The following STIM1 variants were observed in gnomAD, a reference collection of about 807,000 sequenced individuals.
The protein encoded by STIM1 is stromal interaction molecule 1.
STIM1 carries 25 observed loss-of-function variants against 74.7 expected under a neutral mutation model. That is an observed-to-expected ratio of 0.33 (90% CI 0.24 to 0.47). The LOEUF (loss-of-function observed/expected upper bound fraction) is 0.47. STIM1 is among the 20% of genes least tolerant of loss of function. The probability of loss-of-function intolerance (pLI) is 1.00; values close to 1 mark genes in which losing one functional copy is unlikely to be tolerated. For missense variants in STIM1, 728 were observed against 920.8 expected (o/e 0.79, Z 2.71); for synonymous variants, 328 against 348.8 (o/e 0.94, Z 0.66).
At chr11:3,864,604 T>C (rs1438921342) in intron 1 of STIM1, among the ~76,000 whole-genome samples, 1 of 152,198 alleles carries the variant, frequency 6.6e-6, no homozygotes, top group Non-Finnish European at 1.5e-5. Context: ...CCTCCATCTT[T>C]TTATCATCTA....
At chr11:4,045,636 A>G (rs912922018) in intron 3 of STIM1, among the ~76,000 whole-genome samples, 1 of 151,416 alleles carries the variant, frequency 6.6e-6, no homozygotes, top group Admixed American at 6.6e-5. Context: ...ATTTTTTTGT[A>G]GAGATGGGTT....
intron 3 of STIM1, among the ~76,000 whole-genome samples, chr11:4,028,882 G>A (rs2094022642): frequency 6.6e-6 from 1 of 152,030 alleles, no homozygotes; most frequent in African/African-American, 2.4e-5. Context: ...GTTTCCAAAA[G>A]CCTGGTAGAA....
Position 4,034,039 on chromosome 11 carries a change from G to A in STIM1, c.385+10052G>A, listed in dbSNP as rs183787469. ...AGGTCAGGAGTTTGAGACCAGCCTG[G>A]CCAACATTGTGAAACCTCATCTCTA... On this transcript the variant is annotated intron_variant, in intron 3 of 12. Transcript: ENST00000526596. 9.5e-3 allele frequency among the ~76,000 whole-genome samples: 1,443 copies of A among 151,530 alleles called. 14 individuals are homozygous for A. Among genetic ancestry groups the A allele is most frequent in the African/African-American group, 0.032 (1,325 of 41,372 alleles).
chr11:3,902,007 A>G (rs925399816), intron 1 of STIM1, among the ~76,000 whole-genome samples: 28 of 152,326 alleles, frequency 1.8e-4, no homozygotes, highest in African/African-American at 5.8e-4. Flanking sequence ...AGCTCAAGCA[A>G]TCTTCCTGCC....
At chr11:3,892,277 C>A in intron 1 of STIM1, 1 of 683,868 alleles carries the variant, frequency 1.5e-6, no homozygotes, top group East Asian at 2.5e-5. Context: ...CCAAAGGGAA[C>A]TGCAGCAAGA....
chr11:4,002,407 C>G (rs2093727659), intron 2 of STIM1, among the ~76,000 whole-genome samples: 1 of 152,158 alleles, frequency 6.6e-6, no homozygotes, highest in African/African-American at 2.4e-5. Flanking sequence ...ACAGTGCAAT[C>G]AAACTAGAAC....
intron 1 of STIM1, chr11:3,868,313 T>C (rs892841047): frequency 6.6e-6 from 1 of 152,250 alleles, no homozygotes; most frequent in Non-Finnish European, 1.5e-5. Context: ...ATTGAGCACC[T>C]TTGTAGGTGT....
chr11:3,990,397 C>T (rs548888948), intron 2 of STIM1, among the ~76,000 whole-genome samples: 104 of 152,158 alleles, frequency 6.8e-4, no homozygotes, highest in African/African-American at 2.0e-3. Flanking sequence ...TTTGTGTGGA[C>T]GTGTGTTTTA....
intron 1 of STIM1, among the ~76,000 whole-genome samples, chr11:3,951,022 G>A (rs942464889): frequency 6.6e-6 from 1 of 152,216 alleles, no homozygotes; most frequent in African/African-American, 2.4e-5. Context: ...TGAGGAAACT[G>A]TTGTAACCCA....
chr11:4,000,500 C>T (rs1590635163), intron 2 of STIM1, among the ~76,000 whole-genome samples: 2 of 150,436 alleles, frequency 1.3e-5, no homozygotes, highest in South Asian at 2.1e-4. Context: ...CTCTAGCAAA[C>T]TCCAACAGAC....
intron 1 of STIM1, among the ~76,000 whole-genome samples, chr11:3,905,918 G>C (rs994300970): frequency 2.0e-5 from 3 of 152,226 alleles, no homozygotes; most frequent in Admixed American, 2.0e-4. Context: ...TGCTAGCCTG[G>C]AGGGAACATG....
At chr11:4,043,498 GACA>G (rs1333238751) in intron 3 of STIM1, among the ~76,000 whole-genome samples, 2 of 152,090 alleles carry the variant, frequency 1.3e-5, no homozygotes, top group Admixed American at 1.3e-4. Context: ...TGATGGGATG[GACA>G]ACAAGTGATC....
chr11:3,904,196 CAAAAAAAAAAAAA>C (rs57908154), intron 1 of STIM1, among the ~76,000 whole-genome samples: 2 of 73,860 alleles, frequency 2.7e-5, no homozygotes, highest in South Asian at 5.2e-4. Context: ...GACTCTGTCT[CAAAAAAAAAAAAA>C]AAAAAAAAAA....
chr11:3,955,472 A>G (rs1166461916), intron 1 of STIM1, among the ~76,000 whole-genome samples: 1 of 152,168 alleles, frequency 6.6e-6, no homozygotes, highest in Non-Finnish European at 1.5e-5. Context: ...ACTGTGGGGT[A>G]TGGTTACTCA....
At chr11:4,037,570 C>T (rs908026060) in intron 3 of STIM1, among the ~76,000 whole-genome samples, 3 of 152,198 alleles carry the variant, frequency 2.0e-5, no homozygotes, top group African/African-American at 7.2e-5. Context: ...GCTCTGAAAT[C>T]TACTTTGATA....
At chr11:3,981,219 C>T (rs896033378) in intron 2 of STIM1, among the ~76,000 whole-genome samples, 1 of 152,158 alleles carries the variant, frequency 6.6e-6, no homozygotes, top group Non-Finnish European at 1.5e-5. Flanking sequence ...TGAGCCACCA[C>T]GCCCAGCCAA....
At chr11:3,905,152 G>A (rs2092443883) in intron 1 of STIM1, among the ~76,000 whole-genome samples, 1 of 152,068 alleles carries the variant, frequency 6.6e-6, no homozygotes. Context: ...CAGAGAACAG[G>A]TAGGGTGAGC....
At chr11:4,028,889 A>G (rs2094022708) in intron 3 of STIM1, among the ~76,000 whole-genome samples, 1 of 152,102 alleles carries the variant, frequency 6.6e-6, no homozygotes, top group Admixed American at 6.6e-5. Context: ...AAAGCCTGGT[A>G]GAAAATAAAC....
intron 3 of STIM1, chr11:4,049,740 A>G (rs2094224162): frequency 6.9e-6 from 1 of 144,550 alleles, no homozygotes; most frequent in East Asian, 2.0e-4. Flanking sequence ...ACACACACAC[A>G]CACACACACA....
Sources: allele counts gnomAD v4.1 joint callset (sites outside exome capture counted in the v4.1 genomes callset), GRCh38; gene constraint gnomAD v4.1.1; transcripts MANE v1.5; gene names NCBI Gene and HGNC (gene_info 2026-07-23, HGNC 2026-07-21).